The following C3 variants were observed in gnomAD, a reference collection of about 807,000 sequenced individuals.
The protein encoded by C3 is C3 and PZP-like alpha-2-macroglobulin domain-containing protein 1.
In C3, 97 loss-of-function variants were observed where a neutral mutation model predicts 207.9. That is an observed-to-expected ratio of 0.47 (90% confidence interval 0.40 to 0.55). The LOEUF is 0.55. Among genes scored for constraint, C3 ranks in the 20% least tolerant of loss-of-function variants. The probability of loss-of-function intolerance (pLI) is 0.00; values close to 1 mark genes in which losing one functional copy is unlikely to be tolerated. For missense variants in C3, 1,684 were observed against 2,171.7 expected, an observed-to-expected ratio of 0.78 and a Z score of 4.46; for synonymous variants, 848 against 857.6, an observed-to-expected ratio of 0.99 and a Z score of 0.20.
chr19:6,707,344 A>T, intron 16 of C3, 71 bp from the exon 17 acceptor site: 1 of 1,598,170 alleles, frequency 6.3e-7, no homozygotes, highest in Non-Finnish European at 8.6e-7. Context: ...CGCGGGACGG[A>T]CCCCAGGGAG....
At position 6,700,393 on chromosome 19, in the gene C3, A is replaced by ATAT. The variant is rs1207429823; in HGVS notation, c.2440+1731_2440+1733dup. Among the ~76,000 whole-genome samples the ATAT allele has an allele frequency of 2.6e-5, 2 of 75,930 alleles. 1 individual carries two copies. The highest frequency in any genetic ancestry group is 2.4e-4 in the African/African-American group (2 of 8,414). The allele number at this position is 75,930 out of a possible 152,430, so 49.8% of individuals were successfully genotyped here. On this transcript the variant is annotated intron_variant, in intron 19 of 40. Transcript: ENST00000245907. ...ATATATTATATATGTAATATATGAT[A>ATAT]TATATGTAATATGATATATTATATA...
intron 25 of C3, 141 bp downstream of exon 25, chr19:6,693,271 G>T: frequency 9.4e-7 from 1 of 1,067,646 alleles, no homozygotes; most frequent in Non-Finnish European, 1.4e-6. Flanking sequence ...CGGCCACTCA[G>T]CCAGCGCTTG....
intron 19 of C3, among the ~76,000 whole-genome samples, chr19:6,701,316 A>G (rs748710463): frequency 3.3e-5 from 5 of 152,136 alleles, no homozygotes; most frequent in Non-Finnish European, 5.9e-5. Context: ...TGCTAATGAG[A>G]CATGCCACGT....
chr19:6,693,574 G>A lies in C3; in HGVS notation c.3155-87C>T, dbSNP rs926187725. 3 of 1,197,786 alleles carry A rather than the reference G, an allele frequency of 2.5e-6. No homozygotes were observed. In the African/African-American group the frequency reaches 4.5e-5, roughly 18 times the overall value. The allele number at this position is 1,197,786 out of a possible 1,614,324, so 74.2% of individuals were successfully genotyped here. A position where few individuals can be genotyped will look rare whatever the true frequency, so the allele number is the denominator to read the frequency against. On this transcript the variant is annotated intron_variant, in intron 24 of 40. Transcript: ENST00000245907. Reference sequence around the variant, plus strand: ...AAGGGCAGGGGCGGGGTGCAGAGAGGGGACAGGGGCTCAGGGTGGCGGAGG... The same window carrying A: ...AAGGGCAGGGGCGGGGTGCAGAGAGAGGACAGGGGCTCAGGGTGGCGGAGG...
Position 6,713,984 on chromosome 19 carries a change from T to G in C3, c.773+8A>C, listed in dbSNP as rs1325513829. ...GGCTCTTACCTGGCCCCACCCCCAGTCCCTCACCTGGCGGTGATGGTGACC... is the reference window on the plus strand; with the variant it reads ...GGCTCTTACCTGGCCCCACCCCCAGGCCCTCACCTGGCGGTGATGGTGACC... On this transcript the variant is annotated splice_region_variant and intron_variant, in intron 7 of 40. Coordinates refer to ENST00000245907, the MANE Select transcript of C3 (RefSeq NM_000064.4). The G allele has an allele frequency of 1.4e-5, 22 of 1,566,812 alleles. No individual in the cohort carries two copies. Among genetic ancestry groups the G allele is most frequent in the Non-Finnish European group, 1.7e-5 (20 of 1,150,956 alleles).
chr19:6,690,873 T>C, intron 26 of C3, 146 bp from the exon 27 acceptor site: 1 of 699,962 alleles, frequency 1.4e-6, no homozygotes, highest in Non-Finnish European at 2.6e-6. Flanking sequence ...AAGGTCAAAC[T>C]TCTTAGTATT....
chr19:6,681,795 C>T (rs1917868516), intron 35 of C3, 146 bp downstream of exon 35: 1 of 732,512 alleles, frequency 1.4e-6, no homozygotes, highest in East Asian at 2.5e-5. Flanking sequence ...AGCTCCTTCC[C>T]CTACAACTCA....
chr19:6,679,347 G>A lies in C3; in HGVS notation c.4546+60C>T, dbSNP rs181596974. On this transcript the variant is annotated intron_variant, in intron 37 of 40. Coordinates refer to ENST00000245907, the MANE Select transcript of C3 (RefSeq NM_000064.4). ...TCTGGGGGTCCCTGACCATGGGATA[G>A]ATGACCTGGGTAAGTGTGGCTTGCT... 25 of 1,492,832 alleles carry A rather than the reference G, an allele frequency of 1.7e-5. No homozygotes were observed. In the Admixed American group the frequency reaches 4.2e-4, roughly 25 times the overall value. The allele number at this position is 1,492,832 out of a possible 1,614,324, so 92.5% of individuals were successfully genotyped here.
At position 6,718,240 on chromosome 19, in the gene C3, G is replaced by A. The variant is rs1968084954; in HGVS notation, c.433+7C>T. Reference sequence around the variant, plus strand: ...GCCCCGCCCTCTCCAGCCGCCCCCAGCCTCACCTGTGGAGCCAGGGGTGTA... The same window carrying A: ...GCCCCGCCCTCTCCAGCCGCCCCCAACCTCACCTGTGGAGCCAGGGGTGTA... On this transcript the variant is annotated splice_region_variant and intron_variant, in intron 3 of 40. Transcript: ENST00000245907. 6.2e-7 allele frequency: 1 copy of A among 1,614,192 alleles called. No individual in the cohort carries two copies. The highest frequency in any genetic ancestry group is 8.5e-7 in the Non-Finnish European group (1 of 1,180,014).
chr19:6,701,537 A>G (rs1460173043), intron 19 of C3, among the ~76,000 whole-genome samples: 1 of 152,106 alleles, frequency 6.6e-6, no homozygotes, highest in Non-Finnish European at 1.5e-5. Context: ...TTATTTATTT[A>G]GAGAAGGAGT....
At chr19:6,700,742 A>T (rs1276217515) in intron 19 of C3, among the ~76,000 whole-genome samples, 4 of 142,822 alleles carry the variant, frequency 2.8e-5, no homozygotes, top group African/African-American at 7.6e-5. Context: ...TGTGGTATAT[A>T]ATATATTGCA....
Position 6,707,225 on chromosome 19 carries a change from C to A in C3, c.2096G>T (p.Arg699Leu). 6.2e-7 allele frequency: 1 copy of A among 1,613,376 alleles called. No individual in the cohort carries two copies. Among genetic ancestry groups the A allele is most frequent in the Non-Finnish European group, 8.5e-7 (1 of 1,179,742 alleles). Residue 699 changes from arginine (R) to leucine (L), a missense_variant, in exon 17 of 41, where the codon CGG becomes CTG. By Grantham distance (102) the Arg-to-Leu change is moderately radical. Around this residue, in one of 3 missense-constraint regions of C3, gnomAD observed 1,280 missense variants for 1,739.1 expected, o/e 0.74. Coordinates refer to ENST00000245907, the MANE Select transcript of C3 (RefSeq NM_000064.4). The stretch of plus-strand genomic sequence containing the variant: ...GCACGAGAACCTCATGGGGTTCTCC[C>A]GCATGCCGTCCTCGCAGCACTTGCG... ...ELRKCCEDGM[R>L]ENPMRFSCQR...
chr19:6,695,623 G>T (rs1967517372), intron 23 of C3, among the ~76,000 whole-genome samples: 1 of 151,960 alleles, frequency 6.6e-6, no homozygotes, highest in South Asian at 2.1e-4. Context: ...GGGATTACAG[G>T]CATGTGCCAC....
In C3 at chr19:6,696,410, G is replaced by A. The variant is rs1967534907; in HGVS notation, c.2919C>T (p.Asp973=). Residue 973 remains aspartate, a synonymous_variant, in exon 23 of 41, where the codon GAC becomes GAT. Coordinates refer to ENST00000245907, the MANE Select transcript of C3 (RefSeq NM_000064.4). Reference sequence around the variant, plus strand: ...GGAGAATTCTGGTCTCAGACTCGGTGTCCGGGACTTGGTCACTGAGGTCTG... The same window carrying A: ...GGAGAATTCTGGTCTCAGACTCGGTATCCGGGACTTGGTCACTGAGGTCTG... ...PPADLSDQVP[D]TESETRILLQ... 6.2e-7 allele frequency: 1 copy of A among 1,613,432 alleles called. No individual in the cohort carries two copies. Among genetic ancestry groups the A allele is most frequent in the Admixed American group, 1.7e-5 (1 of 59,910 alleles).
intron 27 of C3, among the ~76,000 whole-genome samples, chr19:6,688,520 C>G (rs1918070462): frequency 6.6e-6 from 1 of 151,094 alleles, no homozygotes; most frequent in African/African-American, 2.4e-5. Flanking sequence ...CTAGTTATAG[C>G]ACACTTTTTT....
chr19:6,693,933 GTCA>G (rs1568215706), intron 24 of C3, among the ~76,000 whole-genome samples: 2,867 of 149,454 alleles, frequency 0.019, 335 homozygotes, highest in African/African-American at 0.067. Context: ...CCTGGGAGGA[GTCA>G]GGGCCTCAGA....
At chr19:6,702,858 A>C (rs2145418142) in intron 17 of C3, 1 of 375,942 alleles carries the variant, frequency 2.7e-6, no homozygotes, top group African/African-American at 2.1e-5. Flanking sequence ...ACATGGTGAA[A>C]CCCCATCTCT....
intron 19 of C3, 86 bp downstream of exon 19, chr19:6,702,041 G>T: frequency 1.3e-6 from 1 of 793,780 alleles, no homozygotes; most frequent in Non-Finnish European, 2.3e-6. Flanking sequence ...AGAAACATAG[G>T]GTTGATTGAG....
chr19:6,703,033 G>GAAAACA (rs985698599), intron 17 of C3, among the ~76,000 whole-genome samples: 1 of 151,942 alleles, frequency 6.6e-6, no homozygotes, highest in African/African-American at 2.4e-5. Flanking sequence ...GACTCCATCT[G>GAAAACA]AAAACAAAAA....
Sources: allele counts gnomAD v4.1 joint callset (sites outside exome capture counted in the v4.1 genomes callset), GRCh38; gene constraint gnomAD v4.1.1; regional missense constraint gnomAD v4.1.1; transcripts MANE v1.5; gene names NCBI Gene and HGNC (gene_info 2026-07-23, HGNC 2026-07-21).